The following CCDC14 variants were observed in gnomAD, a reference collection of about 807,000 sequenced individuals.
The protein encoded by CCDC14 is coiled-coil domain containing 14.
In CCDC14, 71 loss-of-function variants were observed where a neutral mutation model predicts 81.4. The observed-to-expected ratio is 0.87, with a 90% confidence interval of 0.72 to 1.06. The LOEUF is 1.06. CCDC14 is among the 50% of genes least tolerant of loss of function. The pLI is 0.00. For missense variants in CCDC14, 1,046 were observed against 1,047.3 expected, an observed-to-expected ratio of 1.00 and a Z score of 0.02; for synonymous variants, 332 against 364.8, an observed-to-expected ratio of 0.91 and a Z score of 1.03.
chr3:123,895,426 T>C (rs2034045771), downstream of CCDC14, among the ~76,000 whole-genome samples: 1 of 152,232 alleles, frequency 6.6e-6, no homozygotes, highest in South Asian at 2.1e-4. Context: ...CTCATGAATG[T>C]ACTAAATCTA....
rs1920226 is a variant in CCDC14, at chr3:123,946,612, G to A, written c.1201+191C>T. Among the ~76,000 whole-genome samples, 528 of 152,112 alleles carry A rather than the reference G, an allele frequency of 3.5e-3. 4 individuals are homozygous for A. The highest frequency in any genetic ancestry group is 0.012 in the African/African-American group (487 of 41,500). On this transcript the variant is annotated intron_variant, in intron 8 of 12. Coordinates refer to ENST00000409697, the MANE Select transcript of CCDC14 (RefSeq NM_001366335.1). The stretch of plus-strand genomic sequence containing the variant: ...GACTGAATGTTTGACATTCTCAAAC[G>A]CATTTTAAATCCACAGGAAAGAAGG...
Position 123,904,107 on chromosome 3 carries a change from A to T in CCDC14, c.668-6494T>A, listed in dbSNP as rs540516006. Among the ~76,000 whole-genome samples the T allele has an allele frequency of 1.6e-4, 24 of 152,322 alleles. No individual in the cohort carries two copies. In the South Asian group the frequency reaches 5.0e-3, roughly 32 times the overall value. ...GGTTGAATGAATTACGCATTATATA[A>T]TAATTCCATATCATGGAATACTAAC... On this transcript the variant is annotated intron_variant, in intron 5 of 5. Transcript: ENST00000479903.
chr3:123,954,565 A>G (rs996557320), intron 5 of CCDC14: 3 of 152,100 alleles, frequency 2.0e-5, no homozygotes, highest in Non-Finnish European at 4.4e-5. Flanking sequence ...AAATCAATAT[A>G]TCCAAAATAT....
chr3:123,895,057 A>G (rs2034038308), downstream of CCDC14, among the ~76,000 whole-genome samples: 1 of 152,200 alleles, frequency 6.6e-6, no homozygotes, highest in African/African-American at 2.4e-5. Context: ...TTCAGTGAGA[A>G]ATTGTCTGTT....
In CCDC14 at chr3:123,948,869, C is replaced by T. The variant is rs373210434; in HGVS notation, c.589+27G>A. ...GCAATTTAATTAGAACTTACACTCA[C>T]GATTTTTAAACAGCATTCGTACTCA... is the stretch of plus-strand genomic sequence containing the variant. On this transcript the variant is annotated intron_variant, in intron 6 of 12. Coordinates refer to ENST00000409697, the MANE Select transcript of CCDC14 (RefSeq NM_001366335.1). 1.9e-4 allele frequency: 298 copies of T among 1,597,240 alleles called. No individual in the cohort carries two copies. In the African/African-American group the frequency reaches 3.2e-3, roughly 17 times the overall value.
At chr3:123,940,712 T>C (rs2036306055) in intron 9 of CCDC14, among the ~76,000 whole-genome samples, 1 of 151,988 alleles carries the variant, frequency 6.6e-6, no homozygotes, top group Non-Finnish European at 1.5e-5. Context: ...TTCAATCAGA[T>C]TGTCTCCAGT....
At chr3:123,897,699 C>A (rs2148754860) in intron 5 of CCDC14, 1 of 614,594 alleles carries the variant, frequency 1.6e-6, no homozygotes, top group African/African-American at 2.0e-5. Flanking sequence ...ATCCTTCCTT[C>A]ATATTCTACT....
At chr3:123,951,962 A>AT (rs2148943797) in intron 5 of CCDC14, among the ~76,000 whole-genome samples, 2 of 152,354 alleles carry the variant, frequency 1.3e-5, no homozygotes, top group South Asian at 4.1e-4. Flanking sequence ...GTTAGAAACC[A>AT]TAAGGGAAGG....
chr3:123,928,768 T>C (rs757235736), intron 12 of CCDC14, among the ~76,000 whole-genome samples: 2 of 152,298 alleles, frequency 1.3e-5, no homozygotes, highest in Non-Finnish European at 2.9e-5. Context: ...CATGGAGTTG[T>C]CACCATGGCT....
chr3:123,944,601 C>T (rs180695663), intron 9 of CCDC14, among the ~76,000 whole-genome samples: 1 of 152,208 alleles, frequency 6.6e-6, no homozygotes, highest in East Asian at 1.9e-4. Context: ...AGAGGTACTT[C>T]ATTTTTCTGC....
In CCDC14 at chr3:123,961,177, T is replaced by TC. The variant is rs1559815014; in HGVS notation, c.-5dup. On this transcript the variant is annotated 5_prime_UTR_variant, in exon 1 of 13. Transcript: ENST00000409697. ...GTCGAGCTCCAGACCTGACCATCTC[T>TC]CGCCGCCTCAGAGAAGCCCAGACCG... 4.5e-6 allele frequency: 7 copies of TC among 1,551,352 alleles called. No homozygotes were observed. The highest frequency in any genetic ancestry group is 6.1e-6 in the Non-Finnish European group (7 of 1,146,948).
At chr3:123,957,853 GT>G (rs1211978364) in intron 1 of CCDC14, 2 of 152,080 alleles carry the variant, frequency 1.3e-5, no homozygotes, top group Admixed American at 1.3e-4. Context: ...TCCCCCCCTA[GT>G]TCCACCCTCC....
At chr3:123,934,298 C>G (rs1364073497) in intron 9 of CCDC14, among the ~76,000 whole-genome samples, 4 of 111,726 alleles carry the variant, frequency 3.6e-5, no homozygotes, top group Non-Finnish European at 5.6e-5. Context: ...AAAAAAAACC[C>G]TCATGAGGAA....
intron 5 of CCDC14, among the ~76,000 whole-genome samples, chr3:123,903,967 A>G (rs755466986): frequency 5.3e-5 from 8 of 152,214 alleles, no homozygotes; most frequent in Non-Finnish European, 8.8e-5. Flanking sequence ...TTTGAGGCCC[A>G]GCCTAGAGCC....
intron 5 of CCDC14, among the ~76,000 whole-genome samples, chr3:123,904,523 G>A (rs1452060310): frequency 6.6e-6 from 1 of 151,390 alleles, no homozygotes; most frequent in Non-Finnish European, 1.5e-5. Flanking sequence ...TGCTTAAAAG[G>A]ATAACCAACT....
intron 5 of CCDC14, among the ~76,000 whole-genome samples, chr3:123,901,329 T>C (rs932231050): frequency 2.0e-5 from 3 of 152,022 alleles, no homozygotes; most frequent in African/African-American, 7.2e-5. Flanking sequence ...CAATTCAATA[T>C]AGCATTAGCA....
intron 5 of CCDC14, chr3:123,955,445 T>C (rs563023299): frequency 1.3e-5 from 2 of 150,994 alleles, no homozygotes; most frequent in African/African-American, 4.9e-5. Flanking sequence ...CAAGTTCAGC[T>C]TGACCAACTT....
chr3:123,896,777 A>G (rs1015633090), downstream of CCDC14, among the ~76,000 whole-genome samples: 19 of 152,202 alleles, frequency 1.2e-4, no homozygotes, highest in Admixed American at 7.9e-4. Flanking sequence ...TTCACTGTAC[A>G]CTGATTTTCT....
In CCDC14 at chr3:123,949,024, T is replaced by C; in HGVS notation, c.461A>G (p.Tyr154Cys). ...GAGGGCTTGGTATATTATGGGTGAA[T>C]ACATTCTATAATGATCTTGCAATGA... ...NWSLQDHYRM[Y>C]SPIIYQALCE... The change falls in exon 6 of 13, where the codon TAT becomes TGT. Residue 154 changes from tyrosine to cysteine, a missense_variant. Tyr to Cys is a radical substitution (Grantham distance 194). Transcript: ENST00000409697. 6.2e-7 allele frequency: 1 copy of C among 1,613,646 alleles called. No homozygotes were observed. The highest frequency in any genetic ancestry group is 8.5e-7 in the Non-Finnish European group (1 of 1,179,644).
Sources: allele counts gnomAD v4.1 joint callset (sites outside exome capture counted in the v4.1 genomes callset), GRCh38; gene constraint gnomAD v4.1.1; transcripts MANE v1.5; gene names NCBI Gene and HGNC (gene_info 2026-07-23, HGNC 2026-07-21).